The following TAF4B variants were observed in gnomAD, a reference collection of about 807,000 sequenced individuals.
TAF4B encodes the protein TATA-box binding protein associated factor 4b.
A neutral mutation model predicts 86.4 loss-of-function variants in TAF4B; 38 were observed. The observed-to-expected ratio is 0.44, with a 90% CI of 0.34 to 0.58. The LOEUF (loss-of-function observed/expected upper bound fraction) is 0.58, where lower values mean the gene tolerates loss of function less well. TAF4B is among the 20% of genes least tolerant of loss of function. The pLI, the probability that TAF4B is intolerant of heterozygous loss-of-function variation, is 0.02. For synonymous variants in TAF4B, 388 were observed against 391.2 expected, an observed-to-expected ratio of 0.99 and a Z score of 0.10; for missense variants, 988 against 1,027.6, an observed-to-expected ratio of 0.96 and a Z score of 0.53.
Position 26,274,986 on chromosome 18 carries a change from T to C in TAF4B, c.815T>C (p.Leu272Pro). The change falls in exon 5 of 15, where the codon CTA becomes CCA. Residue 272 changes from leucine to proline, a missense_variant. Transcript: ENST00000269142. ...AACTTCCTTGCAATGTTAATAAAACTAGCATGTAGTGGATCACAGTCCCCA... is the reference window on the plus strand; with the variant it reads ...AACTTCCTTGCAATGTTAATAAAACCAGCATGTAGTGGATCACAGTCCCCA... Reference protein sequence around the residue: ...CKNFLAMLIKLACSGSQSPEM... With the variant: ...CKNFLAMLIKPACSGSQSPEM... 6.2e-7 allele frequency: 1 copy of C among 1,612,900 alleles called. No individual in the cohort carries two copies. Among genetic ancestry groups the C allele is most frequent in the Non-Finnish European group, 8.5e-7 (1 of 1,179,796 alleles).
chr18:26,390,213 A>T lies in TAF4B; in HGVS notation c.*201A>T. Reference sequence around the variant, plus strand: ...CTCAGATTCATCTTTGTCTTCTGAAAATCAGTTATGAAATACACTTTGCAC... The same window carrying T: ...CTCAGATTCATCTTTGTCTTCTGAATATCAGTTATGAAATACACTTTGCAC... On this transcript the variant is annotated 3_prime_UTR_variant, in exon 15 of 15. Transcript: ENST00000269142. The T allele has an allele frequency of 1.9e-6, 1 of 519,304 alleles. No individual in the cohort carries two copies. The allele number at this position is 519,304 out of a possible 1,614,324, so 32.2% of individuals were successfully genotyped here.
At chr18:26,242,562 T>C (rs1338459798) in intron 1 of TAF4B, among the ~76,000 whole-genome samples, 1 of 152,216 alleles carries the variant, frequency 6.6e-6, no homozygotes, top group East Asian at 1.9e-4. Context: ...TGTCTTTTAA[T>C]TGGAACATTT....
chr18:26,288,754 T>C (rs531777885), intron 7 of TAF4B, among the ~76,000 whole-genome samples: 1 of 152,334 alleles, frequency 6.6e-6, no homozygotes, highest in East Asian at 1.9e-4. Context: ...GTTTCTGGAA[T>C]GTCCTGAAGC....
chr18:26,257,615 T>C (rs1208069012), intron 1 of TAF4B, among the ~76,000 whole-genome samples: 1 of 152,208 alleles, frequency 6.6e-6, no homozygotes, highest in Non-Finnish European at 1.5e-5. Flanking sequence ...TTTTACTTTT[T>C]CCTCTATACT....
chr18:26,360,338 T>A (rs575402343), intron 14 of TAF4B, among the ~76,000 whole-genome samples: 185 of 152,306 alleles, frequency 1.2e-3, no homozygotes, highest in African/African-American at 4.1e-3. Flanking sequence ...TTTTCATGTA[T>A]AAATAGGCAT....
chr18:26,298,334 T>G (rs2056689466), intron 9 of TAF4B, among the ~76,000 whole-genome samples: 2 of 152,038 alleles, frequency 1.3e-5, no homozygotes, highest in East Asian at 3.9e-4. Context: ...GTTTATGCCA[T>G]TCTGCTGCCT....
chr18:26,277,176 T>G (rs970713780), intron 5 of TAF4B, among the ~76,000 whole-genome samples: 4 of 152,084 alleles, frequency 2.6e-5, no homozygotes, highest in Non-Finnish European at 5.9e-5. Context: ...TTGACCCTCC[T>G]GGGATCAAGC....
intron 1 of TAF4B, among the ~76,000 whole-genome samples, chr18:26,262,071 G>A (rs1429483219): frequency 6.6e-6 from 1 of 152,170 alleles, no homozygotes; most frequent in African/African-American, 2.4e-5. Context: ...GACACTTGAG[G>A]TCCAAGTGTT....
At chr18:26,314,994 A>G (rs574295819) in intron 9 of TAF4B, among the ~76,000 whole-genome samples, 4 of 151,890 alleles carry the variant, frequency 2.6e-5, no homozygotes, top group Non-Finnish European at 5.9e-5. Context: ...CAAAAGCTTA[A>G]AGGGAAAGGT....
intron 13 of TAF4B, among the ~76,000 whole-genome samples, chr18:26,356,107 G>A (rs2057286599): frequency 6.6e-6 from 1 of 152,152 alleles, no homozygotes; most frequent in South Asian, 2.1e-4. Flanking sequence ...CAGTTATAGA[G>A]GCTAGGAAGT....
intron 13 of TAF4B, among the ~76,000 whole-genome samples, 196 bp from the exon 14 acceptor site, chr18:26,357,494 A>G (rs1021390410): frequency 1.3e-5 from 2 of 152,104 alleles, no homozygotes; most frequent in African/African-American, 4.8e-5. Context: ...CCTCTTCCAT[A>G]TAGAGATTAA....
chr18:26,252,954 G>GA (rs1388873088), intron 1 of TAF4B, among the ~76,000 whole-genome samples: 6 of 152,030 alleles, frequency 3.9e-5, no homozygotes, highest in African/African-American at 1.4e-4. Flanking sequence ...ACTGTCTGAG[G>GA]TTTTAGGCAT....
At position 26,286,274 on chromosome 18, in the gene TAF4B, A is replaced by T. The variant is rs751175549; in HGVS notation, c.1365A>T (p.Pro455=). 9 of 1,614,134 alleles carry T rather than the reference A, an allele frequency of 5.6e-6. No homozygotes were observed. Among genetic ancestry groups the T allele is most frequent in the Non-Finnish European group, 2.5e-6 (3 of 1,180,060 alleles). The change falls in exon 7 of 15, where the codon CCA becomes CCT. Residue 455 remains proline, a synonymous_variant. Transcript: ENST00000269142. ...CGGTCTCACTGCAACCTGAAAAGCC[A>T]GTTGTCTCTGGAACAGCAGTAACAC... ...VTTVSLQPEK[P]VVSGTAVTLS... is the part of the protein sequence containing the mutation.
chr18:26,285,222 G>GTTTTTTTTTTTTTTTGTTTTTTTTTTTTT (rs776976703), intron 6 of TAF4B, among the ~76,000 whole-genome samples: 1 of 45,660 alleles, frequency 2.2e-5, no homozygotes, highest in Admixed American at 3.1e-4. Context: ...TTTTTTTTTT[G>GTTTTTTTTTTTTTTTGTTTTTTTTTTTTT]TTTTTTTTTT....
In TAF4B at chr18:26,384,964, C is replaced by T. The variant is rs150430955; in HGVS notation, c.2422-4881C>T. The stretch of plus-strand genomic sequence containing the variant: ...ACAGTTCTTGCCCATAGTAGGTACC[C>T]AGTAACCCAGAGAATTTTGAATGGA... On this transcript the variant is annotated intron_variant, in intron 14 of 14. Transcript: ENST00000269142. Among the ~76,000 whole-genome samples, 354 of 152,224 alleles carry T rather than the reference C, an allele frequency of 2.3e-3. 1 individual carries two copies. The highest frequency in any genetic ancestry group is 8.2e-3 in the African/African-American group (339 of 41,556).
intron 9 of TAF4B, among the ~76,000 whole-genome samples, chr18:26,303,858 A>G (rs1262197345): frequency 2.0e-5 from 3 of 152,234 alleles, no homozygotes; most frequent in South Asian, 2.1e-4. Flanking sequence ...GGATCCTTCT[A>G]TGAACATGAT....
Position 26,226,970 on chromosome 18 carries a change from C to A in TAF4B, c.37C>A (p.Pro13Thr). The change falls in exon 1 of 15, where the codon CCC becomes ACC. Residue 13 changes from proline to threonine, a missense_variant. By Grantham distance (38) the Pro-to-Thr change is conservative. Around this residue, in one of 3 missense-constraint regions of TAF4B, gnomAD observed 747 missense variants for 737.9 expected, o/e 1.01. Transcript: ENST00000269142. ...CCTCACCGAACCCGCCGGCGCCGCT[C>A]CCCCGGCTGCTGTGAGCGCCTCGGG... ...AGLTEPAGAA[P>T]PAAVSASGTV... The A allele has an allele frequency of 7.2e-7, 1 of 1,386,680 alleles. No homozygotes were observed. Among genetic ancestry groups the A allele is most frequent in the Non-Finnish European group, 9.2e-7 (1 of 1,081,104 alleles). The allele number at this position is 1,386,680 out of a possible 1,614,324, so 85.9% of individuals were successfully genotyped here.
rs756695933 is a variant in TAF4B at position 26,286,171 on chromosome 18, C to G, written c.1262C>G (p.Thr421Arg). Reference protein sequence around the residue: ...TLHSVGPTAATGGTTAGTGLL... With the variant: ...TLHSVGPTAARGGTTAGTGLL... ...CATTCTGTGGGCCCAACTGCTGCAA[C>G]AGGAGGAACAACAGCTGGAACTGGT... The change falls in exon 7 of 15, where the codon ACA (threonine) becomes AGA (arginine). Residue 421 changes from threonine to arginine, a missense_variant. This residue lies in a region of TAF4B where 747 missense variants were observed against 737.9 expected (regional missense o/e 1.01). Transcript: ENST00000269142. The G allele has an allele frequency of 6.2e-7, 1 of 1,614,212 alleles. No homozygotes were observed. The highest frequency in any genetic ancestry group is 8.5e-7 in the Non-Finnish European group (1 of 1,180,040).
chr18:26,315,146 G>GTTTC (rs1555681426), intron 9 of TAF4B, 83 bp from the exon 10 acceptor site: 14 of 152,030 alleles, frequency 9.2e-5, no homozygotes, highest in Non-Finnish European at 1.2e-4. Context: ...CTCTCTCTCT[G>GTTTC]TCTCTCTCTC....
Sources: allele counts gnomAD v4.1 joint callset (sites outside exome capture counted in the v4.1 genomes callset), GRCh38; gene constraint gnomAD v4.1.1; regional missense constraint gnomAD v4.1.1; transcripts MANE v1.5; gene names NCBI Gene and HGNC (gene_info 2026-07-23, HGNC 2026-07-21).